Variants in ZGRF1 observed in about 807,000 individuals in gnomAD.
ZGRF1 encodes the protein 5'-3' DNA helicase ZGRF1.
In ZGRF1, 196 loss-of-function variants were observed where a neutral mutation model predicts 203.5. That is an observed-to-expected ratio of 0.96 (90% CI 0.86 to 1.08). The LOEUF (loss-of-function observed/expected upper bound fraction) is 1.08, where lower values mean the gene tolerates loss of function less well. Ranked by LOEUF, ZGRF1 falls within the 50% of genes least tolerant of loss-of-function variation. The pLI, the probability that ZGRF1 is intolerant of heterozygous loss-of-function variation, is 0.00. For missense variants in ZGRF1, 2,326 were observed against 2,416.3 expected (o/e 0.96, Z 0.78); for synonymous variants, 809 against 841.3 (o/e 0.96, Z 0.66).
At chr4:112,545,707 A>C (rs1462548750) in intron 24 of ZGRF1, among the ~76,000 whole-genome samples, 3 of 152,244 alleles carry the variant, frequency 2.0e-5, no homozygotes, top group African/African-American at 7.2e-5. Flanking sequence ...CACAAGAGCC[A>C]AAACGTGAAA....
At chr4:112,577,077 C>G (rs1265791041) in intron 16 of ZGRF1, among the ~76,000 whole-genome samples, 4 of 126,042 alleles carry the variant, frequency 3.2e-5, no homozygotes, top group Admixed American at 2.7e-4. Context: ...AACAGCTGAT[C>G]TCTCAGCAGA....
In ZGRF1 at chr4:112,623,368, T is replaced by C. The variant is rs1300111776; in HGVS notation, c.162+449A>G. Among the ~76,000 whole-genome samples the C allele has an allele frequency of 9.2e-5, 14 of 152,350 alleles. 2 individuals are homozygous for C. In the South Asian group the frequency reaches 1.9e-3, roughly 20 times the overall value. On this transcript the variant is annotated intron_variant, in intron 4 of 27. Transcript: ENST00000505019. Reference sequence around the variant, plus strand: ...AACAACTTATATTCCTTTGGGTATATACCCAGTTATAGTACTCCTGGGTTG... The same window carrying C: ...AACAACTTATATTCCTTTGGGTATACACCCAGTTATAGTACTCCTGGGTTG...
chr4:112,564,696 C>T (rs1343358901), intron 16 of ZGRF1, among the ~76,000 whole-genome samples: 2 of 151,754 alleles, frequency 1.3e-5, no homozygotes, highest in Non-Finnish European at 2.9e-5. Flanking sequence ...TTTTTTTCCC[C>T]CAAATGCTGG....
Position 112,589,469 on chromosome 4 carries a change from G to A in ZGRF1, c.3127+255C>T, listed in dbSNP as rs1274786109. The stretch of plus-strand genomic sequence containing the variant: ...GCTGTGAGAAGAACTGACAATGGTA[G>A]AAGATACTTTCAGGGGTCTGTGTTG... On this transcript the variant is annotated intron_variant, in intron 11 of 27. Transcript: ENST00000505019. Among the ~76,000 whole-genome samples the A allele has an allele frequency of 2.6e-5, 4 of 152,296 alleles. No individual in the cohort carries two copies. In the East Asian group the frequency reaches 7.7e-4, roughly 29 times the overall value.
Position 112,543,180 on chromosome 4 carries a change from CTTTT to C in ZGRF1, c.5599-1916_5599-1913del, listed in dbSNP as rs1738037455. Among the ~76,000 whole-genome samples, 5 of 152,216 alleles carry C rather than the reference CTTTT, an allele frequency of 3.3e-5. No homozygotes were observed. In the South Asian group the frequency reaches 1.0e-3, roughly 32 times the overall value. On this transcript the variant is annotated intron_variant, in intron 24 of 27. Transcript: ENST00000505019. ...ATTAAGTCATTTTTGTTTTGGCTCTCTTTTTTGTTAGATAAAATATGACATATAT... is the reference window on the plus strand; with the variant it reads ...ATTAAGTCATTTTTGTTTTGGCTCTCTTGTTAGATAAAATATGACATATAT...
At chr4:112,558,361 C>A (rs1452358750) in intron 19 of ZGRF1, 52 bp from the exon 20 acceptor site, 29 of 1,358,374 alleles carry the variant, frequency 2.1e-5, no homozygotes, top group Non-Finnish European at 2.5e-5. Flanking sequence ...AAATAAATTT[C>A]TTTTTTCTTT....
chr4:112,611,586 T>C (rs142939323), intron 7 of ZGRF1, among the ~76,000 whole-genome samples: 3 of 152,302 alleles, frequency 2.0e-5, no homozygotes, highest in East Asian at 1.9e-4. Context: ...TTTCAATTCA[T>C]CCTAATTAGA....
intron 3 of ZGRF1, among the ~76,000 whole-genome samples, chr4:112,626,721 A>G (rs1376573530): frequency 6.6e-6 from 1 of 152,236 alleles, no homozygotes; most frequent in Non-Finnish European, 1.5e-5. Context: ...ACTAGTAGTC[A>G]GGAACTCCTT....
chr4:112,632,756 C>T (rs1431889864), intron 2 of ZGRF1, among the ~76,000 whole-genome samples: 3 of 152,070 alleles, frequency 2.0e-5, no homozygotes, highest in African/African-American at 7.2e-5. Flanking sequence ...GTCCCGAGAC[C>T]AAATAGTGTG....
rs1479149809 is a variant in ZGRF1, at chr4:112,558,210, C to T, written c.5060G>A (p.Arg1687Lys). The T allele has an allele frequency of 1.2e-6, 2 of 1,608,472 alleles. No homozygotes were observed. The highest frequency in any genetic ancestry group is 1.7e-6 in the Non-Finnish European group (2 of 1,177,906). The change falls in exon 20 of 28, where the codon AGG becomes AAG. Residue 1687 changes from arginine (R) to lysine (K), a missense_variant. By Grantham distance (26) the Arg-to-Lys change is conservative (BLOSUM62 2). Coordinates refer to ENST00000505019, the MANE Select transcript of ZGRF1 (RefSeq NM_018392.5). ...AGAAGAAATCAGAAGTTTCCACGGC[C>T]TTGCATTTCCAATGGTGGGAGCTTC... ...KSEAPTIGNA[R>K]PWKLLISSST...
chr4:112,543,859 A>AG (rs1553973716), intron 24 of ZGRF1, among the ~76,000 whole-genome samples: 1 of 152,054 alleles, frequency 6.6e-6, no homozygotes, highest in Non-Finnish European at 1.5e-5. Context: ...TATTTAAAAA[A>AG]TTTTTTTGGT....
At chr4:112,582,269 T>C (rs1020191326) in intron 15 of ZGRF1, among the ~76,000 whole-genome samples, 1 of 149,904 alleles carries the variant, frequency 6.7e-6, no homozygotes, top group African/African-American at 2.4e-5. Context: ...TTGTTAACTA[T>C]AATTTCCCTA....
chr4:112,627,943 AT>A (rs1373655672), intron 3 of ZGRF1, among the ~76,000 whole-genome samples: 1 of 152,156 alleles, frequency 6.6e-6, no homozygotes, highest in African/African-American at 2.4e-5. Context: ...ATTTCGTATC[AT>A]TTCATACATT....
rs1326653780 is a variant in ZGRF1 at position 112,587,284 on chromosome 4, A to C, written c.3773T>G (p.Leu1258Ter). ...STCYNYSVKDLQEISGSELCF... is the reference protein window; with the variant it reads ...STCYNYSVKD Reference sequence around the variant, plus strand: ...AAGACCGGTACATTTCCTCACCTGTAAATCCTTTACACTGTAGTTGTAGCA... The same window carrying C: ...AAGACCGGTACATTTCCTCACCTGTCAATCCTTTACACTGTAGTTGTAGCA... The change falls in exon 12 of 28, where the codon TTA (leucine) becomes TGA (stop). Residue 1258 changes from leucine (L) to a stop codon, truncating the protein, a stop_gained. Coordinates refer to ENST00000505019, the MANE Select transcript of ZGRF1 (RefSeq NM_018392.5). LOFTEE classifies it high-confidence loss of function. 1 of 1,601,860 alleles carries C rather than the reference A, an allele frequency of 6.2e-7. No homozygotes were observed.
chr4:112,568,800 G>A (rs932729120), intron 16 of ZGRF1, among the ~76,000 whole-genome samples: 1 of 151,142 alleles, frequency 6.6e-6, no homozygotes, highest in African/African-American at 2.4e-5. Flanking sequence ...CAGATTACAA[G>A]GTCAAGAGAT....
In ZGRF1 at chr4:112,617,661, G is replaced by A. The variant is rs1351764448; in HGVS notation, c.2381C>T (p.Pro794Leu). Residue 794 changes from proline (P) to leucine (L), a missense_variant, in exon 6 of 28, where the codon CCA (proline) becomes CTA (leucine). Transcript: ENST00000505019. The stretch of plus-strand genomic sequence containing the variant: ...TTCAACCTCAACATGGTCAGGGGGT[G>A]GACTTCTAATCTTTCCCAAATCTTC... Reference protein sequence around the residue: ...EPEDLGKIRSPPPDHVEVETA... With the variant: ...EPEDLGKIRSLPPDHVEVETA... 1.2e-6 allele frequency: 2 copies of A among 1,613,818 alleles called. No homozygotes were observed. Among genetic ancestry groups the A allele is most frequent in the African/African-American group, 1.3e-5 (1 of 75,018 alleles).
chr4:112,553,215 T>C (rs553897459), intron 22 of ZGRF1, among the ~76,000 whole-genome samples: 7 of 152,320 alleles, frequency 4.6e-5, no homozygotes, highest in African/African-American at 1.7e-4. Context: ...CATGCTCTCC[T>C]TTCATAGGAG....
intron 23 of ZGRF1, 146 bp downstream of exon 23, chr4:112,548,107 A>C: frequency 1.5e-6 from 1 of 648,708 alleles, no homozygotes; most frequent in Non-Finnish European, 2.5e-6. Flanking sequence ...ATGCCCAGCT[A>C]ATTTTGTATT....
intron 3 of ZGRF1, chr4:112,628,744 T>C (rs1468996005): frequency 1.1e-5 from 5 of 450,710 alleles, no homozygotes; most frequent in Middle Eastern, 3.3e-4. Flanking sequence ...AGTTGGATAA[T>C]AGCACTAGCA....
Sources: allele counts gnomAD v4.1 joint callset (sites outside exome capture counted in the v4.1 genomes callset), GRCh38; gene constraint gnomAD v4.1.1; transcripts MANE v1.5; gene names NCBI Gene and HGNC (gene_info 2026-07-23, HGNC 2026-07-21).